The following KIAA1217 variants were observed in gnomAD, a reference collection of about 807,000 sequenced individuals.
KIAA1217 encodes the protein sickle tail protein homolog.
In KIAA1217, 88 loss-of-function variants were observed where a neutral mutation model predicts 163.9. That is an observed-to-expected ratio of 0.54 (90% CI 0.45 to 0.64). KIAA1217 has a LOEUF of 0.64. Among genes scored for constraint, KIAA1217 ranks in the 30% least tolerant of loss-of-function variants. The pLI is 0.00. For synonymous variants in KIAA1217, 903 were observed against 923.1 expected (o/e 0.98, Z 0.39); for missense variants, 2,372 against 2,475.0 (o/e 0.96, Z 0.88).
At chr10:23,899,874 A>T (rs1299061291) in intron 1 of KIAA1217, among the ~76,000 whole-genome samples, 1 of 151,946 alleles carries the variant, frequency 6.6e-6, no homozygotes. Context: ...TTTTACTTTG[A>T]TTTAGTCCAG....
chr10:24,004,572 C>T (rs981383913), intron 1 of KIAA1217, among the ~76,000 whole-genome samples: 14 of 152,168 alleles, frequency 9.2e-5, no homozygotes, highest in Non-Finnish European at 1.3e-4. Context: ...TTGCTTACTA[C>T]GAAGAGATCC....
At position 24,309,593 on chromosome 10, in the gene KIAA1217, T is replaced by A. The variant is rs185182138; in HGVS notation, c.355-71276T>A. 7.9e-5 allele frequency among the ~76,000 whole-genome samples: 12 copies of A among 152,320 alleles called. 1 individual carries two copies. In the East Asian group the frequency reaches 1.9e-3, roughly 24 times the overall value. ...CCACCGAACACAGTTTCTTCAACAT[T>A]GGCAGAAATTTACAAAATCATCGTA... On this transcript the variant is annotated intron_variant, in intron 2 of 20. Transcript: ENST00000376454.
intron 2 of KIAA1217, among the ~76,000 whole-genome samples, chr10:24,267,122 G>A (rs2076312890): frequency 6.6e-6 from 1 of 152,196 alleles, no homozygotes; most frequent in African/African-American, 2.4e-5. Context: ...GTTTGGAGTA[G>A]AAATTTGTCT....
chr10:24,295,170 T>C (rs934869080), intron 2 of KIAA1217, among the ~76,000 whole-genome samples: 2 of 152,364 alleles, frequency 1.3e-5, no homozygotes, highest in Middle Eastern at 3.4e-3. Context: ...TATTTGTTAA[T>C]AGAGAACTTA....
intron 1 of KIAA1217, among the ~76,000 whole-genome samples, chr10:23,850,701 T>TA (rs930198065): frequency 2.0e-5 from 3 of 152,124 alleles, no homozygotes; most frequent in African/African-American, 4.8e-5. Context: ...CACATTGCTA[T>TA]AAAAAACTAC....
At chr10:23,717,545 C>T (rs1211621922) in intron 1 of KIAA1217, among the ~76,000 whole-genome samples, 1 of 152,068 alleles carries the variant, frequency 6.6e-6, no homozygotes, top group African/African-American at 2.4e-5. Flanking sequence ...AAAATACATC[C>T]CCTAAGGTTG....
intron 3 of KIAA1217, among the ~76,000 whole-genome samples, chr10:24,391,648 G>T (rs773836006): frequency 5.9e-5 from 9 of 152,068 alleles, no homozygotes; most frequent in Non-Finnish European, 1.0e-4. Flanking sequence ...CTTGGCCTAG[G>T]TTCTCCTGTT....
chr10:24,066,253 T>C (rs1457517602), intron 2 of KIAA1217, among the ~76,000 whole-genome samples: 1 of 152,196 alleles, frequency 6.6e-6, no homozygotes, highest in Non-Finnish European at 1.5e-5. Context: ...GTCTTTACAA[T>C]TTGGCCTGTT....
chr10:24,359,082 C>CTTTTTTTTTTTTTTTTTTTT (rs202024336), intron 2 of KIAA1217, among the ~76,000 whole-genome samples: 10 of 81,532 alleles, frequency 1.2e-4, no homozygotes, highest in East Asian at 2.7e-4. Flanking sequence ...TTCTTTCTTT[C>CTTTTTTTTTTTTTTTTTTTT]TTTTTTTTTT....
In KIAA1217 at chr10:24,119,454, A is replaced by T. The variant is rs185029287; in HGVS notation, c.-170-100172A>T. Reference sequence around the variant, plus strand: ...ATATTGCAAATGTGTAAAAATTTTTAAAAAAAACAACTCTATAGCAAAAGG... The same window carrying T: ...ATATTGCAAATGTGTAAAAATTTTTTAAAAAAACAACTCTATAGCAAAAGG... On this transcript the variant is annotated intron_variant, in intron 2 of 18. Transcript: ENST00000376462. Among the ~76,000 whole-genome samples the T allele has an allele frequency of 5.5e-3, 818 of 149,984 alleles. 6 individuals are homozygous for T. Among genetic ancestry groups the T allele is most frequent in the African/African-American group, 0.016 (670 of 41,288 alleles).
At chr10:24,501,284 T>C (rs936896971) in intron 8 of KIAA1217, 95 bp from the exon 9 acceptor site, 1 of 1,173,358 alleles carries the variant, frequency 8.5e-7, no homozygotes, top group Non-Finnish European at 1.2e-6. Flanking sequence ...GAATTAGGCC[T>C]TTTTAGAATT....
rs776334405 is a variant in KIAA1217 at position 24,473,903 on chromosome 10, C to T, written c.1522C>T (p.Arg508Cys). The stretch of plus-strand genomic sequence containing the variant: ...GCAGCCAGACCGGGCCTCTCCGAGC[C>T]GCCAGGCCTTTAAAAAGGAGCCAGG... ...TMQPDRASPS[R>C]QAFKKEPGTL... Residue 508 changes from arginine to cysteine, a missense_variant, in exon 6 of 21, where the codon CGC (arginine) becomes TGC (cysteine). This residue lies in a region of KIAA1217 where 1,431 missense variants were observed against 1,470.3 expected (regional missense o/e 0.97). Transcript: ENST00000376454. The T allele has an allele frequency of 9.3e-6, 15 of 1,614,154 alleles. No homozygotes were observed. Among genetic ancestry groups the T allele is most frequent in the Middle Eastern group, 3.3e-4 (2 of 6,062 alleles).
chr10:23,791,464 G>A (rs182846251), intron 1 of KIAA1217, among the ~76,000 whole-genome samples: 40 of 152,120 alleles, frequency 2.6e-4, no homozygotes, highest in African/African-American at 8.0e-4. Flanking sequence ...TATCACGAGA[G>A]GATAAGGACC....
chr10:23,841,540 A>G (rs920630914), intron 1 of KIAA1217, among the ~76,000 whole-genome samples: 4 of 152,154 alleles, frequency 2.6e-5, no homozygotes, highest in African/African-American at 4.8e-5. Context: ...TATGCTATTC[A>G]TGGTGAAGGC....
intron 13 of KIAA1217, among the ~76,000 whole-genome samples, chr10:24,526,241 C>T (rs1289723975): frequency 1.3e-5 from 2 of 152,038 alleles, no homozygotes; most frequent in Non-Finnish European, 2.9e-5. Context: ...CAGCCACGGT[C>T]GCAGCCTCGG....
rs1032905374 is a variant in KIAA1217, at chr10:23,728,751, CT to C, written c.-321+33524del. Among the ~76,000 whole-genome samples, 8 of 152,276 alleles carry C rather than the reference CT, an allele frequency of 5.3e-5. No homozygotes were observed. The South Asian group carries it at 1.7e-3, about 32-fold the overall frequency. On this transcript the variant is annotated intron_variant, in intron 1 of 18. Transcript: ENST00000376462. ...CGCCAAAAGCAATGGCAAAAGTAGA[CT>C]TTTTTTAGAGCAGTTTTAAGCTTAC...
chr10:24,123,134 TTGTG>T (rs35526705), intron 2 of KIAA1217, among the ~76,000 whole-genome samples: 162 of 148,168 alleles, frequency 1.1e-3, no homozygotes, highest in Non-Finnish European at 1.7e-3. Context: ...TACTGTGTGT[TTGTG>T]TGTGTGTGTG....
At chr10:23,908,776 G>T (rs2131264132) in intron 1 of KIAA1217, among the ~76,000 whole-genome samples, 1 of 152,280 alleles carries the variant, frequency 6.6e-6, no homozygotes, top group South Asian at 2.1e-4. Context: ...GCGGTGAACA[G>T]GGAACACTTC....
chr10:24,395,207 C>T (rs542221864), intron 3 of KIAA1217, among the ~76,000 whole-genome samples: 84 of 152,116 alleles, frequency 5.5e-4, no homozygotes, highest in Non-Finnish European at 1.1e-3. Flanking sequence ...GAGGACCTCT[C>T]CCCCATTCTT....
Sources: allele counts gnomAD v4.1 joint callset (sites outside exome capture counted in the v4.1 genomes callset), GRCh38; gene constraint gnomAD v4.1.1; regional missense constraint gnomAD v4.1.1; transcripts MANE v1.5; gene names NCBI Gene and HGNC (gene_info 2026-07-23, HGNC 2026-07-21).